The following CHCHD3 variants were observed in gnomAD, a reference collection of about 807,000 sequenced individuals.
The protein encoded by CHCHD3 is coiled-coil-helix-coiled-coil-helix domain containing 3.
A neutral mutation model predicts 38.2 loss-of-function variants in CHCHD3; 20 were observed. That is an observed-to-expected ratio of 0.52 (90% CI 0.37 to 0.76). The LOEUF (loss-of-function observed/expected upper bound fraction) is 0.76. Ranked by LOEUF, CHCHD3 falls within the 30% of genes least tolerant of loss-of-function variation. The pLI is 0.00. For synonymous variants in CHCHD3, 82 were observed against 100.0 expected (o/e 0.82, Z 1.07); for missense variants, 245 against 279.2 (o/e 0.88, Z 0.87).
chr7:132,791,601 CA>C (rs1351456876), intron 7 of CHCHD3, among the ~76,000 whole-genome samples: 3 of 152,182 alleles, frequency 2.0e-5, no homozygotes, highest in African/African-American at 7.2e-5. Context: ...CCTTCATACT[CA>C]AAATATGTCA....
rs75630196 is a variant in CHCHD3, at chr7:133,011,556, C to T, written c.251+12990G>A. ...TCTACCTATCAGATGCCAGTGGTACCCCCAATGTTAGGACAACCTAAAAGG... is the reference window on the plus strand; with the variant it reads ...TCTACCTATCAGATGCCAGTGGTACTCCCAATGTTAGGACAACCTAAAAGG... On this transcript the variant is annotated intron_variant, in intron 3 of 7. Transcript: ENST00000262570. 4.6e-3 allele frequency among the ~76,000 whole-genome samples: 693 copies of T among 152,192 alleles called. 4 individuals are homozygous for T. Among genetic ancestry groups the T allele is most frequent in the African/African-American group, 0.016 (661 of 41,526 alleles).
chr7:132,808,525 A>T (rs944000419), intron 6 of CHCHD3, among the ~76,000 whole-genome samples: 1 of 152,214 alleles, frequency 6.6e-6, no homozygotes, highest in Admixed American at 6.5e-5. Flanking sequence ...TATAAAATAT[A>T]CAATCAGTAA....
chr7:132,856,958 G>C (rs1225749183), intron 5 of CHCHD3, among the ~76,000 whole-genome samples: 1 of 152,164 alleles, frequency 6.6e-6, no homozygotes, highest in South Asian at 2.1e-4. Context: ...CAGTCAGGTT[G>C]ACAGCTGGGA....
rs6952630 is a variant in CHCHD3, at chr7:132,954,918, C to T, written c.369+20251G>A. 2.8e-3 allele frequency among the ~76,000 whole-genome samples: 428 copies of T among 152,258 alleles called. 2 individuals are homozygous for T. Among genetic ancestry groups the T allele is most frequent in the Non-Finnish European group, 5.0e-3 (341 of 68,018 alleles). On this transcript the variant is annotated intron_variant, in intron 4 of 7. Coordinates refer to ENST00000262570, the MANE Select transcript of CHCHD3 (RefSeq NM_017812.4). ...GTGTCTCAAGCTCCATGACCTTGTC[C>T]TCCACAAAATTCCTCAAAAATGGAG... is the stretch of plus-strand genomic sequence containing the variant.
chr7:132,893,161 C>CAA (rs1809410505), intron 4 of CHCHD3, among the ~76,000 whole-genome samples: 3 of 152,176 alleles, frequency 2.0e-5, no homozygotes, highest in Non-Finnish European at 4.4e-5. Flanking sequence ...CAGTACCCTG[C>CAA]AAAAACACAG....
intron 5 of CHCHD3, among the ~76,000 whole-genome samples, chr7:132,862,936 C>T (rs948261117): frequency 6.6e-5 from 10 of 152,180 alleles, no homozygotes; most frequent in African/African-American, 2.2e-4. Context: ...ACTTCTAATT[C>T]GAGTTCTGTT....
At chr7:132,797,555 T>C (rs1349191693) in intron 6 of CHCHD3, among the ~76,000 whole-genome samples, 1 of 152,238 alleles carries the variant, frequency 6.6e-6, no homozygotes, top group Non-Finnish European at 1.5e-5. Flanking sequence ...TTATTTTCTT[T>C]GTTACCTCAG....
chr7:133,061,661 T>C (rs1814519377), intron 2 of CHCHD3, among the ~76,000 whole-genome samples: 1 of 152,122 alleles, frequency 6.6e-6, no homozygotes, highest in East Asian at 1.9e-4. Context: ...CTTGTATCTT[T>C]ATAGTAATGT....
intron 4 of CHCHD3, among the ~76,000 whole-genome samples, chr7:132,900,739 C>T (rs1809645515): frequency 6.6e-6 from 1 of 152,122 alleles, no homozygotes; most frequent in East Asian, 1.9e-4. Context: ...GCCTGTAAAC[C>T]CAGCACTTTG....
Position 132,912,558 on chromosome 7 carries a change from AT to A in CHCHD3, c.370-26814del, listed in dbSNP as rs35591619. ...TCAGTTTCCTCATCTATAAGACAGG[AT>A]TTTTTTTTTCTTTGAGACAAAGTCT... is the stretch of plus-strand genomic sequence containing the variant. On this transcript the variant is annotated intron_variant, in intron 4 of 7. Coordinates refer to ENST00000262570, the MANE Select transcript of CHCHD3 (RefSeq NM_017812.4). Among the ~76,000 whole-genome samples the A allele has an allele frequency of 4.4e-3, 655 of 150,146 alleles. 1 individual carries two copies. Among genetic ancestry groups the A allele is most frequent in the Non-Finnish European group, 7.1e-3 (480 of 67,320 alleles).
chr7:132,881,246 G>T (rs564016415), intron 5 of CHCHD3, among the ~76,000 whole-genome samples: 94 of 152,208 alleles, frequency 6.2e-4, no homozygotes, highest in African/African-American at 2.1e-3. Flanking sequence ...TGGGTGAAGT[G>T]GCCAATATAA....
chr7:132,886,594 T>C (rs990261374), intron 4 of CHCHD3, among the ~76,000 whole-genome samples: 1 of 151,660 alleles, frequency 6.6e-6, no homozygotes, highest in Non-Finnish European at 1.5e-5. Context: ...GAATGCTGAA[T>C]ATATGCCTGA....
chr7:132,861,784 T>C (rs1002078222), intron 5 of CHCHD3, among the ~76,000 whole-genome samples: 1 of 151,800 alleles, frequency 6.6e-6, no homozygotes, highest in African/African-American at 2.4e-5. Flanking sequence ...TTTCATAGAA[T>C]TGTTGTGTCA....
At chr7:133,022,806 C>G (rs1054401080) in intron 3 of CHCHD3, among the ~76,000 whole-genome samples, 10 of 150,958 alleles carry the variant, frequency 6.6e-5, no homozygotes, top group African/African-American at 1.9e-4. Flanking sequence ...CTGCCCTTTC[C>G]CTTTCATGAG....
intron 2 of CHCHD3, among the ~76,000 whole-genome samples, chr7:133,054,328 G>A (rs1814250760): frequency 6.6e-6 from 1 of 152,180 alleles, no homozygotes; most frequent in Non-Finnish European, 1.5e-5. Context: ...CAGAGAGAAT[G>A]AGGTCATTCT....
chr7:132,969,650 T>TA (rs1811562540), intron 4 of CHCHD3, among the ~76,000 whole-genome samples: 2 of 152,226 alleles, frequency 1.3e-5, no homozygotes, highest in Admixed American at 1.3e-4. Context: ...ACCTCCCAAA[T>TA]AGTTCCTACT....
chr7:132,907,450 A>C (rs913027267), intron 4 of CHCHD3, among the ~76,000 whole-genome samples: 6 of 152,226 alleles, frequency 3.9e-5, no homozygotes, highest in Non-Finnish European at 8.8e-5. Context: ...TAGAACTTGA[A>C]AGCCAGATGA....
In CHCHD3 at chr7:133,034,788, C is replaced by G. The variant is rs775800313; in HGVS notation, c.170-10161G>C. 1.1e-5 allele frequency: 18 copies of G among 1,612,864 alleles called. No homozygotes were observed. In the African/African-American group the frequency reaches 1.7e-4, roughly 16 times the overall value. On this transcript the variant is annotated intron_variant, in intron 2 of 7. Transcript: ENST00000262570. ...CAGCGGAAAGGCAAGCTCCTGGCCT[C>G]GGAAGACCCAGACTCCAGAAATGGA...
At chr7:132,973,258 G>T in intron 4 of CHCHD3, 4 of 985,344 alleles carry the variant, frequency 4.1e-6, no homozygotes, top group Non-Finnish European at 4.8e-6. Flanking sequence ...TCTTCTGCCC[G>T]CTGGAAACTA....
Sources: gnomAD v4.1 joint callset for allele counts (sites outside exome capture counted in the v4.1 genomes callset) on GRCh38, gnomAD v4.1.1 for gene constraint, MANE v1.5 for transcripts, NCBI Gene and HGNC (gene_info 2026-07-23, HGNC 2026-07-21) for gene names.